The following ALDH1L1 variants were observed in gnomAD, a reference collection of about 807,000 sequenced individuals.
The protein encoded by ALDH1L1 is aldehyde dehydrogenase 1 family member L1.
ALDH1L1 carries 68 observed loss-of-function variants against 101.1 expected under a neutral mutation model. The observed-to-expected ratio is 0.67, with a 90% CI of 0.55 to 0.82. The LOEUF (loss-of-function observed/expected upper bound fraction) is 0.82, where lower values mean the gene tolerates loss of function less well. Among genes scored for constraint, ALDH1L1 ranks in the 40% least tolerant of loss-of-function variants. The pLI is 0.00. For missense variants in ALDH1L1, 1,087 were observed against 1,172.7 expected, an observed-to-expected ratio of 0.93 and a Z score of 1.07; for synonymous variants, 486 against 470.8, an observed-to-expected ratio of 1.03 and a Z score of -0.42.
upstream of ALDH1L1, chr3:126,180,618 A>C: frequency 7.9e-7 from 1 of 1,270,036 alleles, no homozygotes; most frequent in Non-Finnish European, 1.0e-6. Context: ...GGTTAAGGCC[A>C]GAGCCCGTGA....
intron 20 of ALDH1L1, 145 bp from the exon 21 acceptor site, chr3:126,107,391 C>T (rs532752484): frequency 1.8e-5 from 12 of 652,156 alleles, no homozygotes; most frequent in African/African-American, 1.8e-4. Context: ...TGATGGGTGT[C>T]ACCACGCTGC....
intron 1 of ALDH1L1, among the ~76,000 whole-genome samples, chr3:126,197,311 A>C (rs543049062): frequency 6.6e-6 from 1 of 152,296 alleles, no homozygotes; most frequent in East Asian, 1.9e-4. Context: ...TCCCATTTTT[A>C]CCTAAAACAT....
At chr3:126,194,809 C>G (rs921153622) in intron 1 of ALDH1L1, among the ~76,000 whole-genome samples, 1 of 152,092 alleles carries the variant, frequency 6.6e-6, no homozygotes, top group Non-Finnish European at 1.5e-5. Flanking sequence ...ACATTTCACT[C>G]TCCTCACATA....
rs200659359 is a variant in ALDH1L1 at position 126,131,551 on chromosome 3, G to A, written c.1473-17C>T. 7.2e-4 allele frequency: 1,153 copies of A among 1,595,284 alleles called. 1 individual carries two copies. The highest frequency in any genetic ancestry group is 8.5e-4 in the Non-Finnish European group (996 of 1,165,058). On this transcript the variant is annotated splice_polypyrimidine_tract_variant and intron_variant, in intron 12 of 22. Transcript: ENST00000393434. ...TCTGCCAACCTGACCAGGGTGAGGG[G>A]AAGCGGGAGGTGGGCTCAGGCCTGG...
chr3:126,120,776 A>G (rs1206970581), intron 16 of ALDH1L1, among the ~76,000 whole-genome samples: 1 of 152,200 alleles, frequency 6.6e-6, no homozygotes, highest in East Asian at 1.9e-4. Context: ...AAGTCTATTT[A>G]CTAGTAATAA....
intron 9 of ALDH1L1, among the ~76,000 whole-genome samples, chr3:126,142,857 G>C (rs2080593525): frequency 6.6e-6 from 1 of 152,156 alleles, no homozygotes; most frequent in Admixed American, 6.5e-5. Context: ...AGGGTCGGGG[G>C]TTGGGGTTGT....
intron 19 of ALDH1L1, among the ~76,000 whole-genome samples, chr3:126,110,746 TC>T (rs1946050726): frequency 6.6e-6 from 1 of 152,142 alleles, no homozygotes; most frequent in South Asian, 2.1e-4. Flanking sequence ...CCTCTGACTG[TC>T]CTGTCTCCAC....
At chr3:126,120,231 G>A (rs536293019) in intron 16 of ALDH1L1, among the ~76,000 whole-genome samples, 57 of 152,330 alleles carry the variant, frequency 3.7e-4, no homozygotes, top group African/African-American at 8.2e-4. Context: ...TTACCAAGAC[G>A]TCCTTCAGAA....
Position 126,124,179 on chromosome 3 carries a change from C to T in ALDH1L1, c.1888+185G>A, listed in dbSNP as rs539339973. On this transcript the variant is annotated intron_variant, in intron 16 of 22. Transcript: ENST00000393434. Reference sequence around the variant, plus strand: ...TACATTCAGCTGGGGCATCTGAAGACGAAAGCCCTTCCAGGTGCAGGTGCT... The same window carrying T: ...TACATTCAGCTGGGGCATCTGAAGATGAAAGCCCTTCCAGGTGCAGGTGCT... Among the ~76,000 whole-genome samples the T allele has an allele frequency of 1.3e-3, 192 of 152,106 alleles. 2 individuals are homozygous for T. Among genetic ancestry groups the T allele is most frequent in the African/African-American group, 7.7e-4 (32 of 41,430 alleles).
chr3:126,138,047 C>T, intron 9 of ALDH1L1, 87 bp from the exon 10 acceptor site: 1 of 1,523,664 alleles, frequency 6.6e-7, no homozygotes, highest in Non-Finnish European at 9.0e-7. Context: ...GGCCAAACAC[C>T]CCAGAGAGGC....
chr3:126,118,575 G>C (rs1297027011), intron 16 of ALDH1L1, among the ~76,000 whole-genome samples: 1 of 152,056 alleles, frequency 6.6e-6, no homozygotes, highest in Admixed American at 6.5e-5. Context: ...ATAACCATCT[G>C]TTTCTGAAGC....
At chr3:126,129,325 G>A (rs2080251431) in intron 14 of ALDH1L1, 1 of 152,308 alleles carries the variant, frequency 6.6e-6, no homozygotes, top group Admixed American at 6.5e-5. Context: ...GTGGAGCTGA[G>A]GGGCCTTTGG....
At chr3:126,155,591 C>G in intron 4 of ALDH1L1, 88 bp from the exon 5 acceptor site, 1 of 1,150,658 alleles carries the variant, frequency 8.7e-7, no homozygotes, top group Non-Finnish European at 1.2e-6. Context: ...TGGACCCTTC[C>G]CCAGACTGAC....
chr3:126,132,225 G>C (rs2080325792), intron 12 of ALDH1L1, among the ~76,000 whole-genome samples: 1 of 152,208 alleles, frequency 6.6e-6, no homozygotes, highest in South Asian at 2.1e-4. Context: ...CACAGGCCCA[G>C]AGCAAACTCA....
chr3:126,107,420 G>T (rs745533826), intron 20 of ALDH1L1, among the ~76,000 whole-genome samples, 174 bp from the exon 21 acceptor site: 2 of 152,190 alleles, frequency 1.3e-5, no homozygotes, highest in Non-Finnish European at 1.5e-5. Context: ...CTCCCACCTG[G>T]CTTGTTCTTT....
intron 12 of ALDH1L1, 111 bp from the exon 13 acceptor site, chr3:126,131,645 G>A: frequency 7.9e-7 from 1 of 1,269,966 alleles, no homozygotes; most frequent in Non-Finnish European, 1.1e-6. Flanking sequence ...CCCCAGTTCT[G>A]CCACTCTCAG....
intron 2 of ALDH1L1, chr3:126,160,486 C>T (rs1236740595): frequency 9.8e-6 from 2 of 203,816 alleles, no homozygotes. Flanking sequence ...AATGGTGATG[C>T]CGCGCATGCC....
chr3:126,156,521 GC>G (rs2080908384), intron 4 of ALDH1L1: 1 of 152,460 alleles, frequency 6.6e-6, no homozygotes, highest in African/African-American at 2.4e-5. Flanking sequence ...TGCCTGGACA[GC>G]ACCTCTGCCT....
intron 9 of ALDH1L1, among the ~76,000 whole-genome samples, chr3:126,142,825 T>C (rs960706226): frequency 2.6e-5 from 4 of 152,166 alleles, no homozygotes; most frequent in African/African-American, 9.7e-5. Flanking sequence ...TACACTATAG[T>C]AGTTCCTCCT....
Sources: allele counts gnomAD v4.1 joint callset (sites outside exome capture counted in the v4.1 genomes callset), GRCh38; gene constraint gnomAD v4.1.1; transcripts MANE v1.5; gene names NCBI Gene and HGNC (gene_info 2026-07-23, HGNC 2026-07-21).